The following CTNNA2 variants were observed in gnomAD, a reference collection of about 807,000 sequenced individuals.
CTNNA2 encodes the protein catenin alpha-2.
CTNNA2 carries 42 observed loss-of-function variants against 101.0 expected under a neutral mutation model. The observed-to-expected ratio is 0.42, with a 90% CI of 0.32 to 0.54. The LOEUF (loss-of-function observed/expected upper bound fraction) is 0.54. CTNNA2 is among the 20% of genes least tolerant of loss of function. The probability of loss-of-function intolerance (pLI) is 0.14; values close to 1 mark genes in which losing one functional copy is unlikely to be tolerated. For synonymous variants in CTNNA2, 450 were observed against 456.4 expected (o/e 0.99, Z 0.18); for missense variants, 871 against 1,223.1 (o/e 0.71, Z 4.29).
intron 3 of CTNNA2, among the ~76,000 whole-genome samples, chr2:79,851,654 G>A (rs1020247733): frequency 4.6e-5 from 7 of 152,002 alleles, no homozygotes; most frequent in Middle Eastern, 3.4e-3. Context: ...CATGAAAAGG[G>A]AACAAACTGG....
At chr2:80,229,221 T>C (rs923320077) in intron 7 of CTNNA2, among the ~76,000 whole-genome samples, 5 of 152,142 alleles carry the variant, frequency 3.3e-5, no homozygotes, top group African/African-American at 1.2e-4. Context: ...TCATACCAGG[T>C]ATTTCTTCAG....
intron 7 of CTNNA2, among the ~76,000 whole-genome samples, chr2:80,079,885 T>TAAAATAAAATAAAATAAA (rs1558788197): frequency 9.4e-5 from 12 of 127,506 alleles, no homozygotes; most frequent in African/African-American, 3.0e-4. Context: ...AATAAAATAA[T>TAAAATAAAATAAAATAAA]AAAATAAAAT....
chr2:80,510,473 C>G (rs1214924536), intron 9 of CTNNA2, among the ~76,000 whole-genome samples: 2 of 152,202 alleles, frequency 1.3e-5, no homozygotes, highest in African/African-American at 4.8e-5. Flanking sequence ...CTAAATACAT[C>G]TGATGAAGTC....
chr2:79,264,947 C>G (rs546597528), intron 2 of CTNNA2, among the ~76,000 whole-genome samples: 2 of 152,262 alleles, frequency 1.3e-5, no homozygotes, highest in South Asian at 4.1e-4. Flanking sequence ...CACAGAAGTT[C>G]TGTTCCTGCT....
intron 7 of CTNNA2, among the ~76,000 whole-genome samples, chr2:79,988,456 GTGTATGTGTA>G (rs992812931): frequency 3.2e-5 from 3 of 94,320 alleles, no homozygotes; most frequent in African/African-American, 1.2e-4. Flanking sequence ...TCTATATGAA[GTGTATGTGTA>G]TGTGTGTGTG....
intron 7 of CTNNA2, among the ~76,000 whole-genome samples, chr2:80,193,017 G>C (rs575950063): frequency 3.3e-5 from 5 of 152,236 alleles, no homozygotes; most frequent in African/African-American, 7.2e-5. Flanking sequence ...ATTGATGATT[G>C]AGGAACTTCA....
chr2:79,244,884 C>T (rs1317739423), intron 2 of CTNNA2, among the ~76,000 whole-genome samples: 1 of 152,016 alleles, frequency 6.6e-6, no homozygotes, highest in Non-Finnish European at 1.5e-5. Context: ...CACCTGAGGC[C>T]AAGAGTTTGA....
chr2:79,290,159 G>C (rs1444604826), intron 2 of CTNNA2, among the ~76,000 whole-genome samples: 1 of 152,070 alleles, frequency 6.6e-6, no homozygotes, highest in East Asian at 1.9e-4. Flanking sequence ...CCTGAACATA[G>C]AGTCTTTTAA....
chr2:80,252,062 G>C (rs138836720), intron 7 of CTNNA2, among the ~76,000 whole-genome samples: 15 of 152,214 alleles, frequency 9.9e-5, no homozygotes, highest in Non-Finnish European at 1.9e-4. Context: ...CAATTCCTCT[G>C]GGCAAGCTTC....
chr2:80,605,984 T>G lies in CTNNA2; in HGVS notation c.2295+1805T>G, dbSNP rs1271602222. On this transcript the variant is annotated intron_variant, in intron 16 of 18. Transcript: ENST00000402739. Reference sequence around the variant, plus strand: ...TTTTTTTGACAGACTTCCATAAGTATTCCAGAAAGTTCATGTAGAGGAGGG... The same window carrying G: ...TTTTTTTGACAGACTTCCATAAGTAGTCCAGAAAGTTCATGTAGAGGAGGG... Among the ~76,000 whole-genome samples, 3 of 151,788 alleles carry G rather than the reference T, an allele frequency of 2.0e-5. No individual in the cohort carries two copies. In the East Asian group the frequency reaches 5.8e-4, roughly 30 times the overall value.
intron 2 of CTNNA2, among the ~76,000 whole-genome samples, chr2:79,286,409 G>C (rs1159545930): frequency 2.0e-5 from 3 of 151,918 alleles, no homozygotes; most frequent in East Asian, 3.9e-4. Context: ...TCCTTTCCAT[G>C]TTTAGTGCTT....
chr2:79,294,607 T>G (rs958917766), intron 2 of CTNNA2, among the ~76,000 whole-genome samples: 1 of 152,116 alleles, frequency 6.6e-6, no homozygotes, highest in African/African-American at 2.4e-5. Flanking sequence ...AATAGAGACT[T>G]TGGGTTAAAA....
chr2:80,512,615 G>A (rs1406689696), intron 9 of CTNNA2, among the ~76,000 whole-genome samples: 1 of 151,902 alleles, frequency 6.6e-6, no homozygotes, highest in Non-Finnish European at 1.5e-5. Flanking sequence ...AGAGTGACCT[G>A]GTTTATTATA....
chr2:80,473,452 A>G (rs1685473173), intron 9 of CTNNA2, among the ~76,000 whole-genome samples: 1 of 152,238 alleles, frequency 6.6e-6, no homozygotes, highest in Non-Finnish European at 1.5e-5. Context: ...CTACTTGGTC[A>G]TTACCTATAT....
chr2:80,647,320 T>C (rs1249242469), intron 18 of CTNNA2, among the ~76,000 whole-genome samples: 2 of 140,770 alleles, frequency 1.4e-5, no homozygotes, highest in African/African-American at 4.9e-5. Flanking sequence ...AATGTCACCA[T>C]TGCTAATTAC....
intron 4 of CTNNA2, among the ~76,000 whole-genome samples, chr2:79,439,201 G>A (rs1678750766): frequency 6.6e-6 from 1 of 152,178 alleles, no homozygotes; most frequent in Non-Finnish European, 1.5e-5. Flanking sequence ...ATGAACAAAT[G>A]TGATCTATTC....
intron 1 of CTNNA2, among the ~76,000 whole-genome samples, chr2:79,580,650 T>C (rs888582156): frequency 5.3e-5 from 8 of 152,224 alleles, no homozygotes; most frequent in Non-Finnish European, 1.2e-4. Context: ...CAATACCAAA[T>C]ATAATTATTT....
chr2:79,189,296 G>A lies in CTNNA2; in HGVS notation c.-524+3865G>A, dbSNP rs191162044. Among the ~76,000 whole-genome samples, 442 of 151,742 alleles carry A rather than the reference G, an allele frequency of 2.9e-3. 1 individual carries two copies. Among genetic ancestry groups the A allele is most frequent in the African/African-American group, 0.01 (414 of 41,376 alleles). On this transcript the variant is annotated intron_variant, in intron 1 of 21. Transcript: ENST00000466387. ...CCTTTCTTTTTATTCTGAATCATTC[G>A]TTCTAGATGTGTACCTATTTTACAG...
intron 15 of CTNNA2, among the ~76,000 whole-genome samples, chr2:80,603,227 AAAAGTTATTACATGCTATATTTTGTTT>A (rs1488851771): frequency 6.6e-6 from 1 of 152,180 alleles, no homozygotes; most frequent in Admixed American, 6.6e-5. Context: ...TAAGGGAAAG[AAAAGTTATTACATGCTATATTTTGTTT>A]AAAGATTTAT....
Sources: gnomAD v4.1 joint callset for allele counts (sites outside exome capture counted in the v4.1 genomes callset) on GRCh38, gnomAD v4.1.1 for gene constraint, MANE v1.5 for transcripts, NCBI Gene and HGNC (gene_info 2026-07-23, HGNC 2026-07-21) for gene names.